The following SOX30 variants were observed in gnomAD, a reference collection of about 807,000 sequenced individuals.
SOX30 encodes the protein SRY-box transcription factor 30.
Under a neutral mutation model 58.6 loss-of-function variants are expected in SOX30, and 17 were observed. That is an observed-to-expected ratio of 0.29 (90% CI 0.20 to 0.44). The LOEUF (loss-of-function observed/expected upper bound fraction) is 0.44. SOX30 is among the 20% of genes least tolerant of loss of function. The probability of loss-of-function intolerance (pLI) is 1.00; values close to 1 mark genes in which losing one functional copy is unlikely to be tolerated. For synonymous variants in SOX30, 421 were observed against 400.2 expected, an observed-to-expected ratio of 1.05 and a Z score of -0.62; for missense variants, 951 against 965.8, an observed-to-expected ratio of 0.98 and a Z score of 0.20.
At chr5:157,631,367 CTTACCTTTTTAATTA>C (rs1443122272) in intron 4 of SOX30, among the ~76,000 whole-genome samples, 1 of 152,136 alleles carries the variant, frequency 6.6e-6, no homozygotes, top group East Asian at 1.9e-4. Context: ...CGTACTCTCA[CTTACCTTTTTAATTA>C]TTTGATTCTA....
At chr5:157,633,346 C>G (rs1281777687) in intron 4 of SOX30, among the ~76,000 whole-genome samples, 2 of 152,146 alleles carry the variant, frequency 1.3e-5, no homozygotes, top group Non-Finnish European at 2.9e-5. Context: ...GCTTAAAACC[C>G]AAGTTTATAA....
At chr5:157,668,101 CAG>C (rs1346303108) in intron 1 of SOX30, among the ~76,000 whole-genome samples, 1 of 152,214 alleles carries the variant, frequency 6.6e-6, no homozygotes, top group Non-Finnish European at 1.5e-5. Flanking sequence ...ATTATGAGCA[CAG>C]AGTTTATTTC....
chr5:157,651,202 G>A lies in SOX30; in HGVS notation c.877C>T (p.Pro293Ser), dbSNP rs752977125. 1.2e-6 allele frequency: 2 copies of A among 1,613,190 alleles called. No individual in the cohort carries two copies. Among genetic ancestry groups the A allele is most frequent in the Admixed American group, 1.7e-5 (1 of 59,846 alleles). The change falls in exon 1 of 5, where the codon CCA (proline) becomes TCA (serine). Residue 293 changes from proline to serine, a missense_variant. Pro to Ser is a moderately conservative substitution (Grantham distance 74, BLOSUM62 -1). Coordinates refer to ENST00000265007, the MANE Select transcript of SOX30 (RefSeq NM_178424.2). ...LIRLTKVPLT[P>S]VPTKMQSLLE... The stretch of plus-strand genomic sequence containing the variant: ...AGGGACTGCATTTTAGTAGGCACTG[G>A]TGTCAGGGGGACCTTGGTCAATCTT...
At chr5:157,648,613 A>C (rs748155169) in intron 2 of SOX30, 44 bp downstream of exon 2, 1 of 1,567,318 alleles carries the variant, frequency 6.4e-7, no homozygotes, top group East Asian at 2.2e-5. Flanking sequence ...TTAACTAAAT[A>C]AATTCATTTA....
rs370647331 is a variant in SOX30 at position 157,651,568 on chromosome 5, G to A, written c.511C>T (p.Pro171Ser). 10 of 1,613,284 alleles carry A rather than the reference G, an allele frequency of 6.2e-6. No homozygotes were observed. The highest frequency in any genetic ancestry group is 6.8e-6 in the Non-Finnish European group (8 of 1,179,992). The change falls in exon 1 of 5, where the codon CCC becomes TCC. Residue 171 changes from proline to serine, a missense_variant. Physicochemically the swap from Pro to Ser is moderately conservative, Grantham distance 74 (BLOSUM62 -1). Around this residue, in one of 7 missense-constraint regions of SOX30, gnomAD observed 363 missense variants for 294.5 expected, o/e 1.23. Transcript: ENST00000265007. ...RASRVVKLEG[P>S]GPALGYFRGD... ...CGGAAGTAGCCGAGGGCCGGCCCGG[G>A]GCCTTCCAACTTGACCACCCTGGAG...
At chr5:157,628,171 AGATTATACCTC>A (rs1758705565) in intron 4 of SOX30, among the ~76,000 whole-genome samples, 1 of 152,084 alleles carries the variant, frequency 6.6e-6, no homozygotes, top group South Asian at 2.1e-4. Flanking sequence ...TTTTTAAAAA[AGATTATACCTC>A]AAAAATTCTG....
chr5:157,641,302 C>G (rs1293784802), intron 3 of SOX30, among the ~76,000 whole-genome samples: 1 of 152,030 alleles, frequency 6.6e-6, no homozygotes, highest in East Asian at 1.9e-4. Flanking sequence ...GTAAATAATG[C>G]ACCAGACATA....
intron 2 of SOX30, among the ~76,000 whole-genome samples, chr5:157,657,884 G>A (rs112548159): frequency 0.036 from 5,462 of 152,230 alleles, 122 homozygotes; most frequent in African/African-American, 0.057. Flanking sequence ...TTTTACCAAC[G>A]CTTTGACTGG....
At chr5:157,630,377 G>A (rs1297758111) in intron 4 of SOX30, among the ~76,000 whole-genome samples, 1 of 152,064 alleles carries the variant, frequency 6.6e-6, no homozygotes, top group Non-Finnish European at 1.5e-5. Flanking sequence ...TAACTTTTTT[G>A]TTGAAAACTG....
intron 4 of SOX30, among the ~76,000 whole-genome samples, chr5:157,627,070 T>G (rs1487230377): frequency 6.6e-6 from 1 of 152,188 alleles, no homozygotes; most frequent in East Asian, 1.9e-4. Flanking sequence ...ATGCTAAGAA[T>G]TGACACTCAG....
At position 157,668,046 on chromosome 5, in the gene SOX30, G is replaced by A. The variant is rs139328889; in HGVS notation, c.-3-194C>T. ...AACCAGGCCATACGATGCACAGGGC[G>A]TGCTCTTCCCATGCCAGGCTGCCGC... On this transcript the variant is annotated intron_variant, in intron 1 of 5. Coordinates refer to the SOX30 transcript ENST00000519442. Among the ~76,000 whole-genome samples the A allele has an allele frequency of 2.6e-3, 390 of 152,294 alleles. 1 individual carries two copies. Among genetic ancestry groups the A allele is most frequent in the African/African-American group, 8.8e-3 (365 of 41,566 alleles).
intron 1 of SOX30, among the ~76,000 whole-genome samples, chr5:157,669,458 TATAGGTGTGAGCCACCGCGCCCATC>T (rs1759732175): frequency 6.6e-6 from 1 of 152,072 alleles, no homozygotes; most frequent in Non-Finnish European, 1.5e-5. Flanking sequence ...GAGTTGGGAT[TATAGGTGTGAGCCACCGCGCCCATC>T]AATTTTATTT....
intron 3 of SOX30, among the ~76,000 whole-genome samples, chr5:157,641,251 G>A (rs1054740024): frequency 6.6e-6 from 1 of 152,084 alleles, no homozygotes; most frequent in Admixed American, 6.5e-5. Context: ...ACTAGTAAGA[G>A]AAGAGGAGCT....
chr5:157,663,604 G>T (rs1467689458), intron 2 of SOX30, among the ~76,000 whole-genome samples: 1 of 152,164 alleles, frequency 6.6e-6, no homozygotes, highest in Non-Finnish European at 1.5e-5. Flanking sequence ...TCTGGCCAGG[G>T]CAATCAGGCA....
In SOX30 at chr5:157,651,715, T is replaced by G. The variant is rs775928712; in HGVS notation, c.364A>C (p.Arg122=). The G allele has an allele frequency of 3.8e-6, 6 of 1,579,546 alleles. No individual in the cohort carries two copies. The South Asian group carries it at 6.8e-5, about 18-fold the overall frequency. The change falls in exon 1 of 5, where the codon AGG becomes CGG. Residue 122 remains arginine (R), a synonymous_variant. Coordinates refer to ENST00000265007, the MANE Select transcript of SOX30 (RefSeq NM_178424.2). ...GGCTGCACCGGGTGCAACTCGGGCC[T>G]GGAGGTGGCGCCGTCTGACGCTGTC... ...PPTASDGATS[R]PELHPVQPLA... is the part of the protein sequence containing the mutation.
chr5:157,629,300 C>A (rs1233213153), intron 4 of SOX30, among the ~76,000 whole-genome samples: 1 of 152,128 alleles, frequency 6.6e-6, no homozygotes, highest in African/African-American at 2.4e-5. Context: ...AAATAAAAAT[C>A]TATCCCTTCC....
At chr5:157,630,967 C>G (rs1291909918) in intron 4 of SOX30, among the ~76,000 whole-genome samples, 60 of 124,432 alleles carry the variant, frequency 4.8e-4, no homozygotes, top group African/African-American at 1.8e-3. Flanking sequence ...TATATATACA[C>G]TATATATTTT....
chr5:157,632,557 C>A (rs1344864303), intron 4 of SOX30, among the ~76,000 whole-genome samples: 1 of 151,740 alleles, frequency 6.6e-6, no homozygotes. Context: ...GTGCAGTGAG[C>A]CGAGATCGTG....
chr5:157,671,460 C>T, exon 1 of SOX30: 2 of 631,086 alleles, frequency 3.2e-6, no homozygotes, highest in South Asian at 4.0e-5. Flanking sequence ...CAGCCCCCGT[C>T]CCCTTCCCCG....
Sources: gnomAD v4.1 joint callset for allele counts (sites outside exome capture counted in the v4.1 genomes callset) on GRCh38, gnomAD v4.1.1 for gene constraint, gnomAD v4.1.1 regional missense constraint, MANE v1.5 for transcripts, NCBI Gene and HGNC (gene_info 2026-07-23, HGNC 2026-07-21) for gene names.